C16orf74: variants seen among roughly 807,000 people sequenced by gnomAD.
C16orf74 encodes uncharacterized protein C16orf74.
C16orf74 carries 10 observed loss-of-function variants against 6.5 expected under a neutral mutation model. The observed-to-expected ratio is 1.54, with a 90% CI of 0.95 to 2.61. C16orf74 has a LOEUF of 2.61. Ranked by LOEUF, C16orf74 falls within the 30% of genes most tolerant of loss-of-function variation. The pLI is 0.00. For synonymous variants in C16orf74, 60 were observed against 42.5 expected (o/e 1.41, Z -1.60); for missense variants, 141 against 105.9 (o/e 1.33, Z -1.45).
At chr16:85,726,982 C>G (rs914838058) in intron 2 of C16orf74, among the ~76,000 whole-genome samples, 2 of 152,196 alleles carry the variant, frequency 1.3e-5, no homozygotes, top group Admixed American at 6.5e-5. Flanking sequence ...CTAGCCACCC[C>G]GGGTAGGCAG....
At chr16:85,726,419 G>A (rs773040519) in intron 2 of C16orf74, among the ~76,000 whole-genome samples, 10 of 152,202 alleles carry the variant, frequency 6.6e-5, no homozygotes, top group African/African-American at 1.9e-4. Flanking sequence ...GCGACTGTGC[G>A]TTGGCTCCTG....
chr16:85,707,772 A>T lies in C16orf74; in HGVS notation c.*236T>A, dbSNP rs1018538610. The T allele has an allele frequency of 2.2e-5, 12 of 546,754 alleles. No homozygotes were observed. Among genetic ancestry groups the T allele is most frequent in the Non-Finnish European group, 3.9e-5 (12 of 306,694 alleles). 33.9% of individuals were successfully genotyped at this position (546,754 alleles called of 1,614,324 possible). A position where few individuals can be genotyped will look rare whatever the true frequency, so the allele number is the denominator to read the frequency against. On this transcript the variant is annotated 3_prime_UTR_variant, in exon 4 of 4. Transcript: ENST00000284245. ...TCCCTTTCACCAGGCCGGAGTCAGCAAGAACCTGGAGGTGTCAGAGGTCCG... is the reference window on the plus strand; with the variant it reads ...TCCCTTTCACCAGGCCGGAGTCAGCTAGAACCTGGAGGTGTCAGAGGTCCG...
rs916697904 is a variant in C16orf74, at chr16:85,707,744, C to T, written c.*264G>A. On this transcript the variant is annotated 3_prime_UTR_variant, in exon 4 of 4. Transcript: ENST00000284245. ...GGGACCCCAACAGCCAGGACCATGG[C>T]GCTCCCTTTCACCAGGCCGGAGTCA... 39 of 501,000 alleles carry T rather than the reference C, an allele frequency of 7.8e-5. No individual in the cohort carries two copies. Among genetic ancestry groups the T allele is most frequent in the Admixed American group, 6.2e-4 (17 of 27,450 alleles). 31.0% of individuals were successfully genotyped at this position (501,000 alleles called of 1,614,324 possible). A position where few individuals can be genotyped will look rare whatever the true frequency, so the allele number is the denominator to read the frequency against.
Position 85,728,518 on chromosome 16 carries a change from C to T in C16orf74, c.28+6672G>A, listed in dbSNP as rs934275573. ...TGGAGTTAACCCAGGCTGGAGCTGA[C>T]GCCCACCCCGCCCCCACAGAACCTC... is the stretch of plus-strand genomic sequence containing the variant. On this transcript the variant is annotated intron_variant, in intron 2 of 3. Coordinates refer to ENST00000284245, the MANE Select transcript of C16orf74 (RefSeq NM_206967.3). Among the ~76,000 whole-genome samples, 11 of 152,262 alleles carry T rather than the reference C, an allele frequency of 7.2e-5. No individual in the cohort carries two copies. In the East Asian group the frequency reaches 1.7e-3, roughly 24 times the overall value.
In C16orf74 at chr16:85,720,771, C is replaced by CAA. The variant is rs57419341; in HGVS notation, c.29-10466_29-10465dup. On this transcript the variant is annotated intron_variant, in intron 2 of 3. Transcript: ENST00000284245. ...AGCCTGGGCAAGAGAGATCCTGCCT[C>CAA]AAAAAAAAAAAAAAAAAAAAGCGGT... Among the ~76,000 whole-genome samples, 277 of 81,452 alleles carry CAA rather than the reference C, an allele frequency of 3.4e-3. 3 individuals are homozygous for CAA. Among genetic ancestry groups the CAA allele is most frequent in the African/African-American group, 0.012 (240 of 19,674 alleles). 53.4% of individuals were successfully genotyped at this position (81,452 alleles called of 152,430 possible).
At chr16:85,740,211 CAAA>C (rs1314457386) in intron 1 of C16orf74, among the ~76,000 whole-genome samples, 2 of 60,220 alleles carry the variant, frequency 3.3e-5, no homozygotes, top group African/African-American at 1.3e-4. Context: ...GACTTTGTCT[CAAA>C]AAAAAAAAAA....
At chr16:85,721,130 GC>G (rs2054078694) in intron 2 of C16orf74, among the ~76,000 whole-genome samples, 1 of 151,978 alleles carries the variant, frequency 6.6e-6, no homozygotes, top group South Asian at 2.1e-4. Flanking sequence ...TCCAGCCCTT[GC>G]TCCATCACTT....
At chr16:85,734,069 G>T (rs2054218927) in intron 2 of C16orf74, among the ~76,000 whole-genome samples, 1 of 152,142 alleles carries the variant, frequency 6.6e-6, no homozygotes, top group South Asian at 2.1e-4. Context: ...CACTTTTCCT[G>T]TGGGCTCCCC....
Position 85,708,045 on chromosome 16 carries a change from G to A in C16orf74, c.194C>T (p.Ser65Leu), listed in dbSNP as rs1413683987. 29 of 1,553,420 alleles carry A rather than the reference G, an allele frequency of 1.9e-5. No homozygotes were observed. Among genetic ancestry groups the A allele is most frequent in the East Asian group, 7.3e-5 (3 of 41,038 alleles). Residue 65 changes from serine (S) to leucine (L), a missense_variant, in exon 4 of 4, where the codon TCG becomes TTG. Coordinates refer to ENST00000284245, the MANE Select transcript of C16orf74 (RefSeq NM_206967.3). The part of the protein sequence containing the change: ...GSTVWLDETG[S>L]CPDDGEIDPE... ...GTCGATTTCTCCATCATCTGGGCAC[G>A]ACCCTGTCTCATCCAGCCAGACTAG...
intron 1 of C16orf74, among the ~76,000 whole-genome samples, chr16:85,738,187 G>T (rs1251699678): frequency 6.6e-6 from 1 of 151,962 alleles, no homozygotes; most frequent in African/African-American, 2.4e-5. Flanking sequence ...TGAGACTGCA[G>T]TGAACCTTGA....
chr16:85,722,414 G>A (rs1199782184), intron 2 of C16orf74, among the ~76,000 whole-genome samples: 1 of 152,230 alleles, frequency 6.6e-6, no homozygotes, highest in African/African-American at 2.4e-5. Context: ...GGCAGCTGAA[G>A]CTGGGAAAGG....
At chr16:85,714,925 G>C (rs2054007421) in intron 2 of C16orf74, among the ~76,000 whole-genome samples, 1 of 151,518 alleles carries the variant, frequency 6.6e-6, no homozygotes, top group African/African-American at 2.4e-5. Flanking sequence ...GGGAGGCCGA[G>C]GCGGGCGGAT....
intron 2 of C16orf74, among the ~76,000 whole-genome samples, chr16:85,725,072 G>C (rs1037517058): frequency 6.6e-6 from 1 of 152,110 alleles, no homozygotes; most frequent in Non-Finnish European, 1.5e-5. Context: ...TGATGGGGGG[G>C]GGACCGGCTA....
At chr16:85,737,690 G>A (rs10863189) in intron 1 of C16orf74, among the ~76,000 whole-genome samples, 2 of 151,964 alleles carry the variant, frequency 1.3e-5, no homozygotes, top group Non-Finnish European at 2.9e-5. Context: ...AATTAGCTGG[G>A]TGTGGTGGTG....
At chr16:85,733,285 GA>G (rs762925403) in intron 2 of C16orf74, among the ~76,000 whole-genome samples, 1 of 152,222 alleles carries the variant, frequency 6.6e-6, no homozygotes, top group Non-Finnish European at 1.5e-5. Context: ...CACACTGAGT[GA>G]CGGAGACCAG....
intron 2 of C16orf74, among the ~76,000 whole-genome samples, chr16:85,724,650 G>A (rs11117284): frequency 0.59 from 90,353 of 152,020 alleles, 27,630 homozygotes; most frequent in East Asian, 0.85. Flanking sequence ...CGGGGATGAC[G>A]GGGATGATGG....
At chr16:85,710,423 C>T (rs2053958376) in intron 2 of C16orf74, 116 bp from the exon 3 acceptor site, 1 of 1,018,016 alleles carries the variant, frequency 9.8e-7, no homozygotes, top group Non-Finnish European at 1.3e-6. Flanking sequence ...GGTCCTGACG[C>T]CTCGCAGCAA....
intron 1 of C16orf74, among the ~76,000 whole-genome samples, chr16:85,749,327 C>T (rs2054409343): frequency 6.6e-6 from 1 of 151,944 alleles, no homozygotes; most frequent in Admixed American, 6.6e-5. Context: ...CCTCTGTTGC[C>T]CAGGCTGGAA....
chr16:85,724,209 C>G (rs146017605), intron 2 of C16orf74, among the ~76,000 whole-genome samples: 338 of 152,270 alleles, frequency 2.2e-3, no homozygotes, highest in Middle Eastern at 0.014. Flanking sequence ...ACTTCCGAGT[C>G]TTGAGCAACA....
Sources: gnomAD v4.1 joint callset for allele counts (sites outside exome capture counted in the v4.1 genomes callset) on GRCh38, gnomAD v4.1.1 for gene constraint, MANE v1.5 for transcripts, NCBI Gene and HGNC (gene_info 2026-07-23, HGNC 2026-07-21) for gene names.